The following OGFOD2 variants were observed in gnomAD, a reference collection of about 807,000 sequenced individuals.
OGFOD2 encodes 2-oxoglutarate and iron-dependent oxygenase domain-containing protein 2.
In OGFOD2, 34 loss-of-function variants were observed where a neutral mutation model predicts 31.1. The ratio of observed to expected loss-of-function variants is 1.09; its 90% confidence interval spans 0.83 to 1.45. The LOEUF (loss-of-function observed/expected upper bound fraction) is 1.45. Ranked by LOEUF, OGFOD2 falls within the 40% of genes most tolerant of loss-of-function variation. The pLI is 0.00. For missense variants in OGFOD2, 537 were observed against 433.9 expected, an observed-to-expected ratio of 1.24 and a Z score of -2.11; for synonymous variants, 240 against 192.3, an observed-to-expected ratio of 1.25 and a Z score of -2.05.
intron 2 of OGFOD2, 146 bp downstream of exon 2, chr12:122,976,013 C>T (rs2037414875): frequency 4.8e-6 from 3 of 624,836 alleles, no homozygotes; most frequent in Non-Finnish European, 8.8e-6. Flanking sequence ...CCACTCATCC[C>T]TCCACACCTG....
chr12:122,976,486 G>C, intron 2 of OGFOD2, 168 bp from the exon 3 acceptor site: 1 of 1,485,128 alleles, frequency 6.7e-7, no homozygotes, highest in Non-Finnish European at 9.4e-7. Flanking sequence ...GTCCCTTTCA[G>C]CTAACAGTCT....
At position 122,978,571 on chromosome 12, in the gene OGFOD2, T is replaced by A. The variant is rs747041913; in HGVS notation, c.531+2T>A. ...CCCAACACCATGAACAACTACGGGG[T>A]GGGTGAGGCCTGGCCGGTGGCAGAG... On this transcript the variant is annotated splice_donor_variant, in intron 5 of 6. Transcript: ENST00000228922. LOFTEE classifies it high-confidence loss of function. 6.2e-7 allele frequency: 1 copy of A among 1,611,378 alleles called. No homozygotes were observed. Among genetic ancestry groups the A allele is most frequent in the South Asian group, 1.1e-5 (1 of 91,028 alleles).
exon 7 of OGFOD2, chr12:122,980,017 T>G (rs2037569367): frequency 2.3e-6 from 1 of 437,412 alleles, no homozygotes; most frequent in Admixed American, 4.4e-5. Context: ...TCAAATGCGC[T>G]GACGTATATA....
At chr12:122,975,276 C>T in exon 1 of OGFOD2, 2 of 689,842 alleles carry the variant, frequency 2.9e-6, no homozygotes, top group Non-Finnish European at 2.7e-6. Flanking sequence ...GGCTCCGCGG[C>T]ACTTCTGCCG....
chr12:122,979,177 T>C, exon 7 of OGFOD2: 2 of 1,611,632 alleles, frequency 1.2e-6, no homozygotes, highest in South Asian at 1.1e-5. Context: ...GCCCGGCCCT[T>C]GGGCACTGGT....
chr12:122,976,270 T>C (rs538576691), intron 2 of OGFOD2: 2 of 1,046,628 alleles, frequency 1.9e-6, no homozygotes, highest in East Asian at 2.5e-5. Flanking sequence ...CCAGGGCTGC[T>C]GCCCCACTCC....
At chr12:122,979,475 T>C (rs1326420322) in exon 7 of OGFOD2, 5 of 1,192,790 alleles carry the variant, frequency 4.2e-6, no homozygotes, top group Non-Finnish European at 4.6e-6. Flanking sequence ...TCTGGGTCAT[T>C]CTATGGGCAA....
Position 122,978,924 on chromosome 12 carries a change from C to T in OGFOD2, c.703C>T (p.His235Tyr), listed in dbSNP as rs1181311130. 5 of 1,613,294 alleles carry T rather than the reference C, an allele frequency of 3.1e-6. No individual in the cohort carries two copies. The South Asian group carries it at 3.3e-5, about 11-fold the overall frequency. The change falls in exon 6 of 7, where the codon CAC becomes TAC. Residue 235 changes from histidine (H) to tyrosine (Y), a missense_variant. His to Tyr is a moderately conservative substitution (Grantham distance 83, BLOSUM62 2). Transcript: ENST00000228922. ...GGGCCAGGACCTGGAGCTGGGCTGC[C>T]ACTATGATAATGCCGAGCTCACCCT...
At chr12:122,979,495 C>T (rs768536413) in exon 7 of OGFOD2, 3 of 1,036,398 alleles carry the variant, frequency 2.9e-6, no homozygotes, top group South Asian at 1.7e-5. Flanking sequence ...AAGATGCTGC[C>T]TTAGTTCAGG....
chr12:122,976,993 T>C, intron 4 of OGFOD2, 23 bp downstream of exon 4: 1 of 1,600,884 alleles, frequency 6.2e-7, no homozygotes, highest in Non-Finnish European at 8.5e-7. Flanking sequence ...CCCTGAGACC[T>C]GGCAGGACCA....
chr12:122,975,368 C>T lies in OGFOD2; in HGVS notation c.117C>T (p.Arg39=), dbSNP rs372989803. Residue 39 remains arginine (R), a synonymous_variant, in exon 1 of 7, where the codon CGC becomes CGT. Coordinates refer to ENST00000228922, the Ensembl canonical transcript of OGFOD2. ...GCTTCCGAGGCGAGCAGCAGCTGCG[C>T]CGGGACTACGGCCCGGTGAGTGGCC... is the stretch of plus-strand genomic sequence containing the variant. The T allele has an allele frequency of 3.8e-4, 268 of 700,778 alleles. 4 individuals carry two copies. In the East Asian group the frequency reaches 6.2e-3, roughly 16 times the overall value. The allele number at this position is 700,778 out of a possible 1,614,324, so 43.4% of individuals were successfully genotyped here.
At position 122,975,243 on chromosome 12, in the gene OGFOD2, T is replaced by C. The variant is rs769128454; in HGVS notation, c.-9T>C. Reference sequence around the variant, plus strand: ...CTACGGAAGCTGGTAGGGCTGTGGGTGCTTCACTATGGCGACGGTGGGGGC... The same window carrying C: ...CTACGGAAGCTGGTAGGGCTGTGGGCGCTTCACTATGGCGACGGTGGGGGC... On this transcript the variant is annotated 5_prime_UTR_variant, in exon 1 of 7. Transcript: ENST00000228922. The C allele has an allele frequency of 1.5e-6, 1 of 668,658 alleles. No individual in the cohort carries two copies. The highest frequency in any genetic ancestry group is 2.7e-6 in the Non-Finnish European group (1 of 364,364). 41.4% of individuals were successfully genotyped at this position (668,658 alleles called of 1,614,324 possible).
exon 7 of OGFOD2, chr12:122,979,146 C>G (rs1367864700): frequency 6.2e-7 from 1 of 1,609,110 alleles, no homozygotes; most frequent in East Asian, 2.2e-5. Context: ...TGTCCTCCAC[C>G]GTGGCGGCCA....
intron 5 of OGFOD2, 78 bp downstream of exon 5, chr12:122,978,647 T>A: frequency 2.5e-6 from 4 of 1,592,012 alleles, no homozygotes; most frequent in Non-Finnish European, 3.4e-6. Context: ...GCAGATGGGC[T>A]GCCTGCCCGG....
At position 122,979,012 on chromosome 12, in the gene OGFOD2, T is replaced by G. The variant is rs1202097512; in HGVS notation, c.789+2T>G. 2 of 1,612,348 alleles carry G rather than the reference T, an allele frequency of 1.2e-6. No homozygotes were observed. The highest frequency in any genetic ancestry group is 8.5e-7 in the Non-Finnish European group (1 of 1,179,550). On this transcript the variant is annotated splice_donor_variant, in intron 6 of 6. Transcript: ENST00000228922. LOFTEE classifies it high-confidence loss of function. The stretch of plus-strand genomic sequence containing the variant: ...CTGTATTTTGGGGGCCTCTTCCAGG[T>G]GAGTGTGTGACCCATGCGGCAGGGC...
At chr12:122,976,222 G>A in intron 2 of OGFOD2, 1 of 636,902 alleles carries the variant, frequency 1.6e-6, no homozygotes, top group African/African-American at 1.8e-5. Context: ...CAGGCCCCTG[G>A]GCTCCTCACA....
chr12:122,975,212 G>T (rs542804231), upstream of OGFOD2: 11 of 573,438 alleles, frequency 1.9e-5, no homozygotes, highest in South Asian at 2.1e-4. Flanking sequence ...CGTGCCCGAA[G>T]TCTCTCTACG....
exon 6 of OGFOD2, chr12:122,978,802 G>C: frequency 6.2e-7 from 1 of 1,612,336 alleles, no homozygotes; most frequent in Non-Finnish European, 8.5e-7. Context: ...ACACCACTGC[G>C]GGAGCGCTTC....
chr12:122,979,476 C>CTATGGGCAAAGATGCTGCCTT, exon 7 of OGFOD2: 1 of 1,187,396 alleles, frequency 8.4e-7, no homozygotes, highest in Non-Finnish European at 1.1e-6. Context: ...CTGGGTCATT[C>CTATGGGCAAAGATGCTGCCTT]TATGGGCAAA....
Sources: gnomAD v4.1 joint callset for allele counts on GRCh38, gnomAD v4.1.1 for gene constraint, MANE v1.5 for transcripts, NCBI Gene and HGNC (gene_info 2026-07-23, HGNC 2026-07-21) for gene names.